The following GPC6 variants were observed in gnomAD, a reference collection of about 807,000 sequenced individuals.
GPC6 encodes the protein glypican-6.
In GPC6, 14 loss-of-function variants were observed where a neutral mutation model predicts 55.2. The observed-to-expected ratio is 0.25, with a 90% confidence interval of 0.17 to 0.40. The LOEUF (loss-of-function observed/expected upper bound fraction) is 0.40. GPC6 is among the 10% of genes least tolerant of loss of function. The probability of loss-of-function intolerance (pLI) is 1.00; values close to 1 mark genes in which losing one functional copy is unlikely to be tolerated. For missense variants in GPC6, 641 were observed against 708.5 expected (o/e 0.90, Z 1.08); for synonymous variants, 278 against 259.6 (o/e 1.07, Z -0.68).
intron 1 of GPC6, among the ~76,000 whole-genome samples, chr13:93,357,284 G>A (rs1880881136): frequency 6.6e-6 from 1 of 152,156 alleles, no homozygotes; most frequent in African/African-American, 2.4e-5. Context: ...AGCAGCATTG[G>A]TGAATTAAAT....
intron 1 of GPC6, among the ~76,000 whole-genome samples, chr13:93,488,424 A>G (rs1879817456): frequency 6.6e-6 from 1 of 152,190 alleles, no homozygotes; most frequent in Non-Finnish European, 1.5e-5. Flanking sequence ...GTGCTGCAAT[A>G]AACATACGTG....
chr13:93,873,961 A>T (rs966876976), intron 3 of GPC6, among the ~76,000 whole-genome samples: 11 of 151,888 alleles, frequency 7.2e-5, no homozygotes, highest in African/African-American at 2.7e-4. Context: ...CTCAGCCACC[A>T]TCATGTCTTG....
chr13:93,676,140 T>A (rs1394949178), intron 2 of GPC6, among the ~76,000 whole-genome samples: 32 of 9,028 alleles, frequency 3.5e-3, no homozygotes, highest in African/African-American at 4.9e-3. Flanking sequence ...TATATATATA[T>A]ATATATATAT....
chr13:93,800,758 C>T (rs1411866057), intron 2 of GPC6, among the ~76,000 whole-genome samples: 2 of 152,106 alleles, frequency 1.3e-5, no homozygotes, highest in Non-Finnish European at 2.9e-5. Flanking sequence ...AAATTGAATT[C>T]AAAATGTGCA....
At chr13:93,361,103 T>C (rs1881026504) in intron 1 of GPC6, among the ~76,000 whole-genome samples, 1 of 152,128 alleles carries the variant, frequency 6.6e-6, no homozygotes, top group South Asian at 2.1e-4. Context: ...TTATATTTGT[T>C]CATCAGCTCA....
intron 1 of GPC6, among the ~76,000 whole-genome samples, chr13:93,479,709 A>G (rs991286426): frequency 2.6e-5 from 4 of 152,142 alleles, no homozygotes; most frequent in South Asian, 4.1e-4. Flanking sequence ...TGGATCATCT[A>G]CTTTGTACTG....
intron 2 of GPC6, among the ~76,000 whole-genome samples, chr13:93,580,394 A>G (rs1876879879): frequency 6.6e-6 from 1 of 152,236 alleles, no homozygotes; most frequent in African/African-American, 2.4e-5. Context: ...TATAACCTAC[A>G]GATTTGTATT....
chr13:93,312,471 A>G (rs1195574890), intron 1 of GPC6, among the ~76,000 whole-genome samples: 1 of 152,202 alleles, frequency 6.6e-6, no homozygotes. Context: ...ATTTATTAAT[A>G]TTAATTTACA....
intron 1 of GPC6, among the ~76,000 whole-genome samples, chr13:93,449,890 T>A (rs565002069): frequency 1.3e-5 from 2 of 152,128 alleles, no homozygotes; most frequent in Admixed American, 1.3e-4. Context: ...ACTTCCCTGC[T>A]TTGATGAACT....
At chr13:93,524,011 AAG>A (rs1439051019) in intron 1 of GPC6, among the ~76,000 whole-genome samples, 7 of 151,944 alleles carry the variant, frequency 4.6e-5, no homozygotes, top group Non-Finnish European at 1.5e-5. Flanking sequence ...TTTCAGTGGA[AAG>A]AGAGGGGGGA....
At chr13:93,351,456 G>A (rs1235499577) in intron 1 of GPC6, among the ~76,000 whole-genome samples, 2 of 152,038 alleles carry the variant, frequency 1.3e-5, no homozygotes, top group Non-Finnish European at 2.9e-5. Flanking sequence ...GCAGGGACAG[G>A]GAGAGAGTTG....
chr13:93,360,599 T>A (rs1881010630), intron 1 of GPC6, among the ~76,000 whole-genome samples: 1 of 152,294 alleles, frequency 6.6e-6, no homozygotes, highest in South Asian at 2.1e-4. Context: ...ACAAATTAGA[T>A]GTGCAGCAAA....
chr13:93,522,556 T>C (rs1305042992), intron 1 of GPC6, among the ~76,000 whole-genome samples: 1 of 151,840 alleles, frequency 6.6e-6, no homozygotes, highest in Non-Finnish European at 1.5e-5. Context: ...ATGGCAGAAA[T>C]GTTGGAGATG....
At chr13:93,541,803 T>C (rs1276166812) in intron 1 of GPC6, among the ~76,000 whole-genome samples, 3 of 150,598 alleles carry the variant, frequency 2.0e-5, no homozygotes, top group Non-Finnish European at 4.4e-5. Context: ...TTTCATGTGT[T>C]TTTTGGCTGC....
intron 2 of GPC6, among the ~76,000 whole-genome samples, chr13:93,597,237 G>A (rs979070592): frequency 6.6e-6 from 1 of 152,018 alleles, no homozygotes; most frequent in Admixed American, 6.6e-5. Context: ...AAAGGCATAG[G>A]CACACTATGT....
intron 7 of GPC6, among the ~76,000 whole-genome samples, chr13:94,383,266 T>C (rs1880255449): frequency 6.6e-6 from 1 of 152,164 alleles, no homozygotes; most frequent in African/African-American, 2.4e-5. Flanking sequence ...GACAGGAATC[T>C]GCCAAAGCCC....
chr13:93,768,793 G>A (rs1222672603), intron 2 of GPC6, among the ~76,000 whole-genome samples: 1 of 152,082 alleles, frequency 6.6e-6, no homozygotes, highest in East Asian at 1.9e-4. Context: ...TTAAACTAAT[G>A]TTGAAAATAG....
intron 1 of GPC6, among the ~76,000 whole-genome samples, chr13:93,500,940 C>A (rs1441002180): frequency 6.6e-6 from 1 of 152,112 alleles, no homozygotes; most frequent in East Asian, 1.9e-4. Flanking sequence ...ATGGCAATGA[C>A]CTCAGTCTAG....
intron 6 of GPC6, among the ~76,000 whole-genome samples, chr13:94,363,761 A>G (rs566852542): frequency 2.2e-4 from 33 of 152,292 alleles, no homozygotes; most frequent in Admixed American, 3.3e-4. Context: ...CTCTAAGCGA[A>G]AAACCCACAA....
Sources: gnomAD v4.1 joint callset for allele counts (sites outside exome capture counted in the v4.1 genomes callset) on GRCh38, gnomAD v4.1.1 for gene constraint, MANE v1.5 for transcripts, NCBI Gene and HGNC (gene_info 2026-07-23, HGNC 2026-07-21) for gene names.